DRC5: variants seen among roughly 807,000 people sequenced by gnomAD.
DRC5 encodes the protein dynein regulatory complex subunit 5, also known as T-complex-associated testis-expressed protein 1.
chr6:44,279,745 G>A, the DRC5 span: 2 of 142,268 alleles, frequency 1.4e-5, no homozygotes, highest in Non-Finnish European at 2.9e-5. Context: ...GCTGTAGCCA[G>A]AGGGTGTGTG....
chr6:44,282,294 A>AGACG, the DRC5 span: 3 of 1,614,168 alleles, frequency 1.9e-6, no homozygotes, highest in Non-Finnish European at 2.5e-6. Context: ...GATGCAGTTG[A>AGACG]GACGTAGGTT....
chr6:44,280,909 G>A, the DRC5 span, among the ~76,000 whole-genome samples: 109,170 of 152,192 alleles, frequency 0.72, 40,374 homozygotes, highest in Non-Finnish European at 0.81. Context: ...GGGGTTTACC[G>A]ACCCTACAAC....
the DRC5 span, chr6:44,285,937 G>C: frequency 3.4e-5 from 53 of 1,578,992 alleles, no homozygotes; most frequent in East Asian, 1.8e-4. Flanking sequence ...GAGAAGGGGT[G>C]GGGGGAAGGC....
At chr6:44,283,121 A>G in the DRC5 span, among the ~76,000 whole-genome samples, 1 of 152,076 alleles carries the variant, frequency 6.6e-6, no homozygotes, top group Non-Finnish European at 1.5e-5. Flanking sequence ...TTTCACAACC[A>G]TTATCTCTAA....
chr6:44,280,420 T>A, the DRC5 span: 3 of 1,540,320 alleles, frequency 1.9e-6, no homozygotes, highest in Non-Finnish European at 2.7e-6. Flanking sequence ...GAAGGGGTCA[T>A]TTACATCACT....
the DRC5 span, chr6:44,285,946 G>C: frequency 6.3e-7 from 1 of 1,596,968 alleles, no homozygotes; most frequent in Non-Finnish European, 8.6e-7. Context: ...TGGGGGGAAG[G>C]CTGGGAGCAG....
At chr6:44,289,850 G>T in the DRC5 span, among the ~76,000 whole-genome samples, 1 of 152,240 alleles carries the variant, frequency 6.6e-6, no homozygotes, top group Non-Finnish European at 1.5e-5. Context: ...CTGGCACCTA[G>T]TTCCTCCTCC....
the DRC5 span, chr6:44,286,528 G>A: frequency 6.2e-7 from 1 of 1,609,764 alleles, no homozygotes; most frequent in East Asian, 2.2e-5. Context: ...TCAGGATAGG[G>A]TTTTCTTTGG....
the DRC5 span, chr6:44,278,934 G>A: frequency 3.9e-5 from 6 of 152,196 alleles, no homozygotes; most frequent in African/African-American, 1.2e-4. Flanking sequence ...CTGTCAGAGG[G>A]TGTCAGGCAC....
At chr6:44,283,451 G>A in the DRC5 span, among the ~76,000 whole-genome samples, 45 of 152,244 alleles carry the variant, frequency 3.0e-4, 2 homozygotes, top group East Asian at 6.0e-3. Flanking sequence ...TTGTCCATGG[G>A]AACCTCTCCC....
the DRC5 span, chr6:44,279,746 A>AGG: frequency 1.2e-3 from 153 of 125,720 alleles, no homozygotes; most frequent in Middle Eastern, 3.7e-3. Context: ...CTGTAGCCAG[A>AGG]GGGTGTGTGT....
chr6:44,279,773 G>GTGTGTGTGTA, the DRC5 span: 1 of 183,986 alleles, frequency 5.4e-6, no homozygotes, highest in African/African-American at 2.4e-5. Context: ...GTGTGTGTGT[G>GTGTGTGTGTA]TGTGTGTGTG....
At chr6:44,296,457 C>T in the DRC5 span, among the ~76,000 whole-genome samples, 2 of 152,342 alleles carry the variant, frequency 1.3e-5, no homozygotes, top group South Asian at 4.1e-4. Flanking sequence ...CTGGCATATT[C>T]CCTCCACAGG....
At chr6:44,297,239 C>T in the DRC5 span, among the ~76,000 whole-genome samples, 1 of 152,222 alleles carries the variant, frequency 6.6e-6, no homozygotes, top group Non-Finnish European at 1.5e-5. Context: ...GCTTCCGCAC[C>T]CGCGGGAGGG....
At chr6:44,285,255 T>A in the DRC5 span, among the ~76,000 whole-genome samples, 1 of 152,230 alleles carries the variant, frequency 6.6e-6, no homozygotes, top group Non-Finnish European at 1.5e-5. Context: ...GAGTATCTCT[T>A]CTTTATAGCA....
chr6:44,287,591 G>A, the DRC5 span: 1 of 1,614,012 alleles, frequency 6.2e-7, no homozygotes, highest in Non-Finnish European at 8.5e-7. Context: ...AGCTCTGTGA[G>A]GAGGGGCACG....
chr6:44,286,143 G>GCTC, the DRC5 span: 1 of 1,613,890 alleles, frequency 6.2e-7, no homozygotes, highest in South Asian at 1.1e-5. Flanking sequence ...TCAACGGTGG[G>GCTC]CTCCTCCATC....
chr6:44,284,404 C>T, the DRC5 span, among the ~76,000 whole-genome samples: 69 of 152,138 alleles, frequency 4.5e-4, no homozygotes, highest in African/African-American at 1.7e-3. Context: ...TTGCTTTTGG[C>T]TCTCCCCTGT....
chr6:44,286,225 C>A, the DRC5 span: 1 of 1,612,072 alleles, frequency 6.2e-7, no homozygotes, highest in Non-Finnish European at 8.5e-7. Flanking sequence ...GCGGAAGGAA[C>A]TGATCGACGT....
Sources: allele counts gnomAD v4.1 joint callset (sites outside exome capture counted in the v4.1 genomes callset), GRCh38; gene constraint gnomAD v4.1.1; transcripts MANE v1.5; gene names NCBI Gene and HGNC (gene_info 2026-07-23, HGNC 2026-07-21).